ABR: variants seen among roughly 807,000 people sequenced by gnomAD.
The protein encoded by ABR is ABR activator of RhoGEF and GTPase, also known as active breakpoint cluster region-related protein.
A neutral mutation model predicts 107.2 loss-of-function variants in ABR; 35 were observed. The ratio of observed to expected loss-of-function variants is 0.33; its 90% CI spans 0.25 to 0.43. The LOEUF is 0.43. ABR is among the 20% of genes least tolerant of loss of function. The pLI is 1.00. For synonymous variants in ABR, 498 were observed against 462.0 expected (o/e 1.08, Z -1.00); for missense variants, 815 against 1,115.2 (o/e 0.73, Z 3.83).
chr17:1,208,755 GC>G (rs1323375913), intron 1 of ABR, among the ~76,000 whole-genome samples: 3 of 152,112 alleles, frequency 2.0e-5, no homozygotes, highest in Non-Finnish European at 4.4e-5. Context: ...GGGTGTGGTG[GC>G]GGGCGCCTGT....
At chr17:1,072,814 C>A (rs745674788) in intron 7 of ABR, 60 bp from the exon 8 acceptor site, 1 of 1,564,324 alleles carries the variant, frequency 6.4e-7, no homozygotes, top group Non-Finnish European at 8.6e-7. Flanking sequence ...GTGTGGCCAC[C>A]GGGGAGTGCT....
At position 1,078,689 on chromosome 17, in the gene ABR, T is replaced by C. The variant is rs2035941241; in HGVS notation, c.700+641A>G. On this transcript the variant is annotated intron_variant, in intron 6 of 22. Coordinates refer to ENST00000302538, the MANE Select transcript of ABR (RefSeq NM_021962.5). The surrounding 1 kb of genome is among the most constrained non-coding windows in gnomAD (Gnocchi z 7.5). ...CGCCAAAACGAAGGGGGAATTCAGG[T>C]CCAGCCGCTCGCCCACCCTCCTTCC... 9.8e-7 allele frequency: 1 copy of C among 1,019,114 alleles called. No homozygotes were observed. The highest frequency in any genetic ancestry group is 2.7e-5 in the East Asian group (1 of 37,610). The allele number at this position is 1,019,114 out of a possible 1,614,324, so 63.1% of individuals were successfully genotyped here. A position where few individuals can be genotyped will look rare whatever the true frequency, so the allele number is the denominator to read the frequency against.
intron 6 of ABR, 143 bp downstream of exon 6, chr17:1,079,183 ACACT>A (rs139286905): frequency 8.8e-5 from 130 of 1,473,634 alleles, no homozygotes; most frequent in East Asian, 4.5e-4. Flanking sequence ...CACTCAGCTC[ACACT>A]CACACGCGCT....
chr17:1,035,301 C>A (rs960283250), intron 16 of ABR, among the ~76,000 whole-genome samples: 3 of 150,768 alleles, frequency 2.0e-5, no homozygotes, highest in Non-Finnish European at 3.0e-5. Flanking sequence ...GAAGGGGCCA[C>A]TCTCCTTCCT....
At chr17:1,209,648 A>C (rs1227248322) in intron 1 of ABR, among the ~76,000 whole-genome samples, 1 of 151,828 alleles carries the variant, frequency 6.6e-6, no homozygotes, top group Admixed American at 6.6e-5. Flanking sequence ...AAAATCAGAC[A>C]TACAATGCCT....
chr17:1,164,481 C>G (rs1329322209), intron 1 of ABR, among the ~76,000 whole-genome samples: 1 of 150,652 alleles, frequency 6.6e-6, no homozygotes, highest in Non-Finnish European at 1.5e-5. Context: ...GTGTCACACA[C>G]AGCACTGAAT....
At chr17:1,100,414 T>C (rs777929304) in intron 3 of ABR, among the ~76,000 whole-genome samples, 4 of 152,200 alleles carry the variant, frequency 2.6e-5, no homozygotes, top group Non-Finnish European at 5.9e-5. Flanking sequence ...CGGGTGTGCT[T>C]CTCCTGCCTT....
rs931988793 is a variant in ABR, at chr17:1,017,371, C to T, written c.1792-4207G>A. 3.9e-5 allele frequency among the ~76,000 whole-genome samples: 6 copies of T among 152,162 alleles called. 1 individual carries two copies. The highest frequency in any genetic ancestry group is 3.9e-4 in the East Asian group (2 of 5,192). ...CCTGGGTCTGTCCCCAGCTCTGTCC[C>T]CCAGCAGTAGCCACACAGGGTGGAG... On this transcript the variant is annotated intron_variant, in intron 16 of 22. Coordinates refer to ENST00000302538, the MANE Select transcript of ABR (RefSeq NM_021962.5).
At chr17:1,081,114 C>A (rs904007107) in intron 5 of ABR, among the ~76,000 whole-genome samples, 4 of 152,204 alleles carry the variant, frequency 2.6e-5, no homozygotes, top group Admixed American at 2.6e-4. Flanking sequence ...ACACTCTCTG[C>A]ACCATGTCTG....
Position 1,005,108 on chromosome 17 carries a change from C to T in ABR, c.*972G>A, listed in dbSNP as rs943287649. ...CACCCAGCGTGGCATGTGCATTCCT[C>T]CCCCGTTCAGCCTGTGGTGTTTCCT... On this transcript the variant is annotated 3_prime_UTR_variant, in exon 23 of 23. Coordinates refer to ENST00000302538, the MANE Select transcript of ABR (RefSeq NM_021962.5). 2 of 398,838 alleles carry T rather than the reference C, an allele frequency of 5.0e-6. No homozygotes were observed. The highest frequency in any genetic ancestry group is 8.8e-6 in the Non-Finnish European group (2 of 226,182). 24.7% of individuals were successfully genotyped at this position (398,838 alleles called of 1,614,324 possible).
chr17:1,149,738 C>T (rs146266775), intron 1 of ABR, among the ~76,000 whole-genome samples: 3 of 151,970 alleles, frequency 2.0e-5, no homozygotes, highest in African/African-American at 7.2e-5. Context: ...TCTGTTTTGC[C>T]GCCAACTCCC....
At position 1,013,203 on chromosome 17, in the gene ABR, G is replaced by A. The variant is rs201108964; in HGVS notation, c.1792-39C>T. ...ATGTGGGTGAGAGAGGTGCCAGCTC[G>A]GAGGCCAAGCCAGAGATCTCCCCGT... On this transcript the variant is annotated intron_variant, in intron 16 of 22. Transcript: ENST00000302538. The A allele has an allele frequency of 2.3e-4, 362 of 1,600,136 alleles. No homozygotes were observed. In the East Asian group the frequency reaches 2.3e-3, roughly 10 times the overall value.
intron 3 of ABR, among the ~76,000 whole-genome samples, chr17:1,097,213 G>A (rs189163229): frequency 1.1e-4 from 17 of 152,246 alleles, no homozygotes; most frequent in Admixed American, 1.1e-3. Flanking sequence ...GGTGTGTTGT[G>A]GCAGAAACCA....
chr17:1,173,500 C>T (rs2041822588), intron 1 of ABR, among the ~76,000 whole-genome samples: 1 of 151,666 alleles, frequency 6.6e-6, no homozygotes, highest in South Asian at 2.1e-4. Flanking sequence ...ACAGCTGCCG[C>T]CAACGCTGGC....
intron 1 of ABR, among the ~76,000 whole-genome samples, chr17:1,201,048 G>T (rs932491266): frequency 2.6e-5 from 4 of 152,308 alleles, no homozygotes; most frequent in African/African-American, 9.6e-5. Context: ...CTTGTAAAGG[G>T]AAAGTTCTGT....
chr17:1,061,748 T>A (rs139324955), intron 10 of ABR, among the ~76,000 whole-genome samples: 1 of 152,114 alleles, frequency 6.6e-6, no homozygotes, highest in Non-Finnish European at 1.5e-5. Flanking sequence ...GGCTTCATGA[T>A]GTTGGCCAGG....
intron 2 of ABR, among the ~76,000 whole-genome samples, chr17:1,107,201 G>T (rs544866452): frequency 3.8e-4 from 58 of 152,350 alleles, no homozygotes; most frequent in Admixed American, 5.9e-4. Flanking sequence ...CCCAGGAGGA[G>T]CAGCGTTTTC....
At position 1,132,854 on chromosome 17, in the gene ABR, G is replaced by A. The variant is rs116562520; in HGVS notation, c.62-7487C>T. ...AAGTTCTATATAGTTTTCACTGTTC[G>A]TGTCAAATTGGCAAGGATTTTAAGA... On this transcript the variant is annotated intron_variant, in intron 1 of 22. Coordinates refer to ENST00000302538, the MANE Select transcript of ABR (RefSeq NM_021962.5). Among the ~76,000 whole-genome samples, 314 of 152,278 alleles carry A rather than the reference G, an allele frequency of 2.1e-3. 1 individual carries two copies. Among genetic ancestry groups the A allele is most frequent in the Middle Eastern group, 6.8e-3 (2 of 294 alleles).
At chr17:1,169,312 G>A (rs2041623703) in intron 1 of ABR, among the ~76,000 whole-genome samples, 1 of 152,208 alleles carries the variant, frequency 6.6e-6, no homozygotes, top group African/African-American at 2.4e-5. Flanking sequence ...CTTAAAATCA[G>A]GGTAACAACC....
Sources: gnomAD v4.1 joint callset for allele counts (sites outside exome capture counted in the v4.1 genomes callset) on GRCh38, gnomAD v4.1.1 for gene constraint, Gnocchi (gnomAD v3.1) non-coding constraint, MANE v1.5 for transcripts, NCBI Gene and HGNC (gene_info 2026-07-23, HGNC 2026-07-21) for gene names.